Variants in DAP3 observed in about 807,000 individuals in gnomAD.
The protein encoded by DAP3 is small ribosomal subunit protein mS29.
Under a neutral mutation model 51.9 loss-of-function variants are expected in DAP3, and 28 were observed. That is an observed-to-expected ratio of 0.54 (90% CI 0.40 to 0.74). The LOEUF (loss-of-function observed/expected upper bound fraction) is 0.74, where lower values mean the gene tolerates loss of function less well. Among genes scored for constraint, DAP3 ranks in the 30% least tolerant of loss-of-function variants. The pLI, the probability that DAP3 is intolerant of heterozygous loss-of-function variation, is 0.00. For synonymous variants in DAP3, 170 were observed against 170.3 expected (o/e 1.00, Z 0.01); for missense variants, 458 against 483.5 (o/e 0.95, Z 0.49).
chr1:155,700,743 T>TG (rs1343189292), intron 1 of DAP3, among the ~76,000 whole-genome samples: 14 of 87,400 alleles, frequency 1.6e-4, no homozygotes, highest in African/African-American at 5.4e-4. Context: ...GGGAGGGAGG[T>TG]GGGGGGGTCA....
upstream of DAP3, chr1:155,689,052 C>G (rs1292535062): frequency 6.5e-7 from 1 of 1,546,822 alleles, no homozygotes; most frequent in Non-Finnish European, 8.7e-7. Flanking sequence ...GGCGGCTGCG[C>G]GTTGAGTCGT....
intron 9 of DAP3, among the ~76,000 whole-genome samples, chr1:155,730,098 A>G (rs1489263092): frequency 7.1e-6 from 1 of 141,030 alleles, no homozygotes; most frequent in Admixed American, 6.9e-5. Flanking sequence ...ATGTATATAT[A>G]CACACATATA....
At position 155,729,035 on chromosome 1, in the gene DAP3, C is replaced by G; in HGVS notation, c.604-7C>G. 6.2e-7 allele frequency: 1 copy of G among 1,611,418 alleles called. No individual in the cohort carries two copies. The highest frequency in any genetic ancestry group is 8.5e-7 in the Non-Finnish European group (1 of 1,179,442). On this transcript the variant is annotated splice_polypyrimidine_tract_variant and splice_region_variant and intron_variant, in intron 7 of 12. Coordinates refer to ENST00000368336, the MANE Select transcript of DAP3 (RefSeq NM_004632.4). ...TTTTGGTTTTTATTTTCTTTGCTTG[C>G]TTTTAGATAAAAGTTCAAGAGAAGT...
intron 1 of DAP3, 41 bp downstream of exon 1, chr1:155,689,215 A>C: frequency 1.4e-6 from 1 of 701,730 alleles, no homozygotes; most frequent in Non-Finnish European, 2.6e-6. Flanking sequence ...CCGCTGAGGG[A>C]AAGGAGCGGG....
At chr1:155,725,327 C>A in intron 4 of DAP3, 55 bp from the exon 5 acceptor site, 1 of 1,497,968 alleles carries the variant, frequency 6.7e-7, no homozygotes, top group Non-Finnish European at 9.3e-7. Flanking sequence ...ATATACCACC[C>A]CCCACCCACT....
rs533563809 is a variant in DAP3, at chr1:155,731,224, G to A, written c.844-132G>A. The stretch of plus-strand genomic sequence containing the variant: ...GGAGGTTGCAGTGAGCCCAAATCGC[G>A]CCACTGCACTCCAGCCTGGGCGACA... On this transcript the variant is annotated intron_variant, in intron 9 of 12. Coordinates refer to ENST00000368336, the MANE Select transcript of DAP3 (RefSeq NM_004632.4). 1,264 of 763,148 alleles carry A rather than the reference G, an allele frequency of 1.7e-3. 4 individuals carry two copies. Among genetic ancestry groups the A allele is most frequent in the Non-Finnish European group, 2.5e-3 (1,161 of 462,152 alleles). The allele number at this position is 763,148 out of a possible 1,614,324, so 47.3% of individuals were successfully genotyped here.
intron 1 of DAP3, among the ~76,000 whole-genome samples, chr1:155,700,012 C>T (rs1315420257): frequency 6.6e-6 from 1 of 152,196 alleles, no homozygotes; most frequent in Middle Eastern, 3.2e-3. Flanking sequence ...TCTTGGCTCA[C>T]TGCAGCCTCC....
intron 2 of DAP3, among the ~76,000 whole-genome samples, chr1:155,711,351 C>T (rs544645508): frequency 2.0e-5 from 3 of 152,034 alleles, no homozygotes; most frequent in Non-Finnish European, 4.4e-5. Flanking sequence ...AAATTAGCTG[C>T]GTGTGGTGGC....
intron 1 of DAP3, among the ~76,000 whole-genome samples, chr1:155,698,419 G>A (rs372297433): frequency 2.6e-5 from 4 of 152,202 alleles, no homozygotes; most frequent in South Asian, 2.1e-4. Context: ...GGCTTCAGCC[G>A]GTCCCTCTGT....
intron 1 of DAP3, among the ~76,000 whole-genome samples, chr1:155,705,618 GAA>G (rs939719411): frequency 7.3e-6 from 1 of 136,378 alleles, no homozygotes; most frequent in Non-Finnish European, 1.6e-5. Context: ...AAAAAAGAAA[GAA>G]AAAAAAAACA....
chr1:155,728,511 G>C (rs995653333), intron 7 of DAP3, among the ~76,000 whole-genome samples: 1 of 152,078 alleles, frequency 6.6e-6, no homozygotes, highest in Non-Finnish European at 1.5e-5. Flanking sequence ...TCAGTGAGCC[G>C]AGATAGCGCC....
intron 3 of DAP3, among the ~76,000 whole-genome samples, chr1:155,718,469 G>T (rs953652574): frequency 2.0e-5 from 3 of 152,016 alleles, no homozygotes; most frequent in African/African-American, 7.3e-5. Flanking sequence ...CGGATCATGA[G>T]GTCAGGAGAC....
intron 1 of DAP3, among the ~76,000 whole-genome samples, chr1:155,701,106 C>A (rs1185055117): frequency 7.9e-6 from 1 of 126,004 alleles, no homozygotes; most frequent in Non-Finnish European, 1.6e-5. Flanking sequence ...AGGTGAGGGG[C>A]GCCTCTGCCC....
At chr1:155,723,476 TCGCCACCA>T (rs1658224603) in intron 4 of DAP3, among the ~76,000 whole-genome samples, 1 of 152,044 alleles carries the variant, frequency 6.6e-6, no homozygotes, top group Admixed American at 6.6e-5. Context: ...TTACAGGTGC[TCGCCACCA>T]CGCCTGGCTA....
At chr1:155,705,476 A>T (rs557720474) in intron 1 of DAP3, among the ~76,000 whole-genome samples, 2 of 151,106 alleles carry the variant, frequency 1.3e-5, no homozygotes, top group Non-Finnish European at 3.0e-5. Flanking sequence ...AGGCAATGGC[A>T]CCTATATTCC....
In DAP3 at chr1:155,697,393, C is replaced by A. The variant is rs375284550; in HGVS notation, c.-8+8219C>A. Among the ~76,000 whole-genome samples the A allele has an allele frequency of 3.3e-5, 5 of 152,196 alleles. No homozygotes were observed. The South Asian group carries it at 1.0e-3, about 32-fold the overall frequency. On this transcript the variant is annotated intron_variant, in intron 1 of 12. Coordinates refer to ENST00000368336, the MANE Select transcript of DAP3 (RefSeq NM_004632.4). ...ACCTCCGGTATCGGGGGAACCAGCC[C>A]CCAATATTTCAACATAGGTTCTATT...
chr1:155,729,468 C>T, intron 9 of DAP3, 102 bp downstream of exon 9: 2 of 1,431,604 alleles, frequency 1.4e-6, no homozygotes, highest in Non-Finnish European at 1.9e-6. Flanking sequence ...GTTTTCTTGC[C>T]CTAGGAATAT....
chr1:155,689,835 C>T (rs1653455224), intron 1 of DAP3, among the ~76,000 whole-genome samples: 2 of 152,160 alleles, frequency 1.3e-5, no homozygotes, highest in Non-Finnish European at 2.9e-5. Context: ...TTGCTTGAAC[C>T]CGGGCGGCGG....
rs1358035453 is a variant in DAP3, at chr1:155,720,362, G to T, written c.169-1155G>T. On this transcript the variant is annotated intron_variant, in intron 3 of 12. Coordinates refer to ENST00000368336, the MANE Select transcript of DAP3 (RefSeq NM_004632.4). ...AAAAAAAAAAAAAAAAGACATAAAG[G>T]CCGGGTGCAGTGGCTCACGCCTGTA... is the stretch of plus-strand genomic sequence containing the variant. Among the ~76,000 whole-genome samples the T allele has an allele frequency of 3.0e-5, 4 of 133,500 alleles. No individual in the cohort carries two copies. The South Asian group carries it at 7.3e-4, about 24-fold the overall frequency. The allele number at this position is 133,500 out of a possible 152,430, so 87.6% of individuals were successfully genotyped here.
Sources: allele counts gnomAD v4.1 joint callset (sites outside exome capture counted in the v4.1 genomes callset), GRCh38; gene constraint gnomAD v4.1.1; transcripts MANE v1.5; gene names NCBI Gene and HGNC (gene_info 2026-07-23, HGNC 2026-07-21).